ERC2: variants seen among roughly 807,000 people sequenced by gnomAD.
ERC2 encodes ERC protein 2.
Under a neutral mutation model 114.8 loss-of-function variants are expected in ERC2, and 42 were observed. The observed-to-expected ratio is 0.37, with a 90% CI of 0.29 to 0.47. The LOEUF (loss-of-function observed/expected upper bound fraction) is 0.47, where lower values mean the gene tolerates loss of function less well. Among genes scored for constraint, ERC2 ranks in the 20% least tolerant of loss-of-function variants. The pLI, the probability that ERC2 is intolerant of heterozygous loss-of-function variation, is 0.99. For synonymous variants in ERC2, 454 were observed against 425.5 expected (o/e 1.07, Z -0.82); for missense variants, 939 against 1,150.7 (o/e 0.82, Z 2.66).
chr3:56,438,873 A>G (rs1368058318), intron 1 of ERC2, among the ~76,000 whole-genome samples: 1 of 152,234 alleles, frequency 6.6e-6, no homozygotes, highest in Non-Finnish European at 1.5e-5. Context: ...ACCAACAAAC[A>G]AAGTTAGTTT....
At chr3:55,743,534 C>T (rs995231986) in intron 14 of ERC2, among the ~76,000 whole-genome samples, 1 of 149,688 alleles carries the variant, frequency 6.7e-6, no homozygotes, top group African/African-American at 2.5e-5. Context: ...GGACCATTGT[C>T]CCAGGTCTTG....
chr3:56,276,862 T>C (rs1405112369), intron 3 of ERC2, among the ~76,000 whole-genome samples: 1 of 152,136 alleles, frequency 6.6e-6, no homozygotes, highest in African/African-American at 2.4e-5. Context: ...ACACAAAATC[T>C]CATAGTGTTC....
chr3:56,308,791 G>A (rs1340245944), intron 2 of ERC2, among the ~76,000 whole-genome samples: 1 of 142,276 alleles, frequency 7.0e-6, no homozygotes, highest in East Asian at 2.0e-4. Context: ...CAAAAGTCGT[G>A]AAGTTTTTTT....
rs115510487 is a variant in ERC2, at chr3:55,872,086, T to C, written c.2564+16303A>G. Among the ~76,000 whole-genome samples the C allele has an allele frequency of 2.3e-3, 349 of 152,270 alleles. 3 individuals are homozygous for C. Among genetic ancestry groups the C allele is most frequent in the African/African-American group, 8.1e-3 (338 of 41,540 alleles). On this transcript the variant is annotated intron_variant, in intron 14 of 17. Coordinates refer to ENST00000288221, the MANE Select transcript of ERC2 (RefSeq NM_015576.3). The stretch of plus-strand genomic sequence containing the variant: ...GGCAATGAGCTGATAATCGCTGAAA[T>C]TGGATGGAGGTCATGTGGGGGTTCA...
At chr3:56,357,076 T>A (rs1165646688) in intron 2 of ERC2, among the ~76,000 whole-genome samples, 3 of 152,198 alleles carry the variant, frequency 2.0e-5, no homozygotes, top group Non-Finnish European at 2.9e-5. Flanking sequence ...TACTGCAACC[T>A]CTCAACTCTG....
chr3:55,640,786 A>G (rs191652894), intron 17 of ERC2, among the ~76,000 whole-genome samples: 2,719 of 152,190 alleles, frequency 0.018, 83 homozygotes, highest in African/African-American at 0.061. Flanking sequence ...CAGGTCTTCA[A>G]CAAGCCCTGT....
intron 3 of ERC2, among the ~76,000 whole-genome samples, chr3:56,272,587 T>C (rs1206631087): frequency 6.6e-6 from 1 of 152,132 alleles, no homozygotes; most frequent in Non-Finnish European, 1.5e-5. Flanking sequence ...CTGGCCAACA[T>C]AGTGAAACGC....
intron 15 of ERC2, among the ~76,000 whole-genome samples, chr3:55,700,260 C>T (rs2063150996): frequency 1.3e-5 from 2 of 152,238 alleles, no homozygotes; most frequent in Admixed American, 1.3e-4. Flanking sequence ...GATGAGTTGG[C>T]CTGACAGGCT....
intron 2 of ERC2, among the ~76,000 whole-genome samples, chr3:56,342,524 C>T (rs1274081956): frequency 6.6e-6 from 1 of 152,172 alleles, no homozygotes; most frequent in Non-Finnish European, 1.5e-5. Flanking sequence ...CTGAAGAACC[C>T]ATGTCAAATC....
chr3:56,321,472 C>T lies in ERC2; in HGVS notation c.658-25037G>A, dbSNP rs142662272. Among the ~76,000 whole-genome samples, 5 of 152,256 alleles carry T rather than the reference C, an allele frequency of 3.3e-5. No homozygotes were observed. In the East Asian group the frequency reaches 7.7e-4, roughly 23 times the overall value. On this transcript the variant is annotated intron_variant, in intron 2 of 17. Coordinates refer to ENST00000288221, the MANE Select transcript of ERC2 (RefSeq NM_015576.3). The stretch of plus-strand genomic sequence containing the variant: ...TTAAAGAGCTTATCTGAGCAAATGA[C>T]AATTCAGGAATCTGGCACCTCTAAA...
At chr3:55,558,244 CT>C (rs1238171891) in intron 17 of ERC2, among the ~76,000 whole-genome samples, 4 of 152,198 alleles carry the variant, frequency 2.6e-5, no homozygotes, top group Admixed American at 6.5e-5. Flanking sequence ...AGAACAATGT[CT>C]GGTTTTGCCC....
chr3:56,277,413 A>C (rs1318716187), intron 3 of ERC2, among the ~76,000 whole-genome samples: 1 of 151,974 alleles, frequency 6.6e-6, no homozygotes, highest in Admixed American at 6.6e-5. Flanking sequence ...CCATATTTTC[A>C]AATGCCAAAC....
chr3:55,914,009 C>T (rs2064955965), intron 13 of ERC2, among the ~76,000 whole-genome samples: 1 of 126,860 alleles, frequency 7.9e-6, no homozygotes, highest in African/African-American at 3.0e-5. Context: ...ATTCTTGCCC[C>T]TTTATGACAA....
At chr3:56,101,393 T>A (rs527556075) in intron 6 of ERC2, among the ~76,000 whole-genome samples, 1 of 152,080 alleles carries the variant, frequency 6.6e-6, no homozygotes, top group African/African-American at 2.4e-5. Context: ...GCTTCACCTG[T>A]TCCTGTAACA....
intron 2 of ERC2, among the ~76,000 whole-genome samples, chr3:56,368,223 C>G (rs918361784): frequency 1.4e-5 from 2 of 147,724 alleles, no homozygotes; most frequent in African/African-American, 5.0e-5. Context: ...CAGCTAAGAT[C>G]GGTCATACAT....
At chr3:56,201,328 T>C (rs561450346) in intron 3 of ERC2, among the ~76,000 whole-genome samples, 1 of 152,358 alleles carries the variant, frequency 6.6e-6, no homozygotes, top group Non-Finnish European at 1.5e-5. Context: ...ACTTGAATTA[T>C]GTGAAAATGC....
At chr3:55,715,576 G>C (rs2064071586) in intron 15 of ERC2, among the ~76,000 whole-genome samples, 1 of 152,032 alleles carries the variant, frequency 6.6e-6, no homozygotes, top group Admixed American at 6.6e-5. Flanking sequence ...ATGTGCCTGG[G>C]GACACTGCCA....
chr3:56,439,084 T>C (rs985305974), intron 1 of ERC2, among the ~76,000 whole-genome samples: 5 of 152,198 alleles, frequency 3.3e-5, no homozygotes, highest in Admixed American at 1.3e-4. Flanking sequence ...TTTCATATGT[T>C]CTGGAACAGT....
At chr3:55,547,721 A>G (rs1488250430) in intron 17 of ERC2, among the ~76,000 whole-genome samples, 1 of 152,212 alleles carries the variant, frequency 6.6e-6, no homozygotes, top group Non-Finnish European at 1.5e-5. Flanking sequence ...AGGAACCCTC[A>G]GTGCTGCAAA....
Sources: gnomAD v4.1 joint callset for allele counts (sites outside exome capture counted in the v4.1 genomes callset) on GRCh38, gnomAD v4.1.1 for gene constraint, MANE v1.5 for transcripts, NCBI Gene and HGNC (gene_info 2026-07-23, HGNC 2026-07-21) for gene names.